The following PLXDC1 variants were observed in gnomAD, a reference collection of about 807,000 sequenced individuals.
PLXDC1 encodes plexin domain-containing protein 1.
A neutral mutation model predicts 61.3 loss-of-function variants in PLXDC1; 39 were observed. That is an observed-to-expected ratio of 0.64 (90% CI 0.49 to 0.83). The LOEUF is 0.83. PLXDC1 is among the 40% of genes least tolerant of loss of function. PLXDC1 has a pLI of 0.00. For synonymous variants in PLXDC1, 212 were observed against 254.5 expected (o/e 0.83, Z 1.59); for missense variants, 596 against 666.5 (o/e 0.89, Z 1.17).
chr17:39,106,612 C>CTCA (rs1312909413), intron 6 of PLXDC1, among the ~76,000 whole-genome samples: 1 of 151,652 alleles, frequency 6.6e-6, no homozygotes, highest in Non-Finnish European at 1.5e-5. Context: ...ACCACCCTGG[C>CTCA]TCATCATGCT....
chr17:39,120,065 TATG>T (rs1309248737), intron 2 of PLXDC1, among the ~76,000 whole-genome samples: 2 of 152,114 alleles, frequency 1.3e-5, no homozygotes, highest in African/African-American at 2.4e-5. Context: ...TCTGTGGCAA[TATG>T]ATATCAAATT....
chr17:39,128,187 G>GTATATGTATATA (rs1567769694), intron 2 of PLXDC1, among the ~76,000 whole-genome samples: 1 of 113,786 alleles, frequency 8.8e-6, no homozygotes, highest in African/African-American at 3.4e-5. Context: ...ATATATATGT[G>GTATATGTATATA]TGTATATATA....
At chr17:39,106,251 G>A (rs564099312) in intron 6 of PLXDC1, among the ~76,000 whole-genome samples, 2 of 151,750 alleles carry the variant, frequency 1.3e-5, no homozygotes, top group South Asian at 2.1e-4. Flanking sequence ...ATGCATCTCC[G>A]AATTCTGTTG....
chr17:39,095,353 A>T (rs766741082), intron 7 of PLXDC1, among the ~76,000 whole-genome samples: 1 of 135,250 alleles, frequency 7.4e-6, no homozygotes, highest in Admixed American at 7.6e-5. Context: ...TTAATAAAAG[A>T]ATCCTTACGC....
intron 2 of PLXDC1, among the ~76,000 whole-genome samples, chr17:39,130,587 GAC>G (rs1911527022): frequency 6.6e-6 from 1 of 151,922 alleles, no homozygotes; most frequent in African/African-American, 2.4e-5. Flanking sequence ...TTATTTTTGA[GAC>G]AGTCTTGCTC....
chr17:39,125,326 A>G (rs1330077901), intron 2 of PLXDC1, among the ~76,000 whole-genome samples: 1 of 152,224 alleles, frequency 6.6e-6, no homozygotes, highest in Non-Finnish European at 1.5e-5. Context: ...TCTGGGGTAG[A>G]GAGATGTCAG....
At chr17:39,128,200 T>TAC (rs1273639335) in intron 2 of PLXDC1, among the ~76,000 whole-genome samples, 12 of 144,764 alleles carry the variant, frequency 8.3e-5, no homozygotes, top group African/African-American at 1.5e-4. Flanking sequence ...TATATATATG[T>TAC]ATATATATGT....
At chr17:39,078,869 T>C (rs1458947840) in intron 10 of PLXDC1, among the ~76,000 whole-genome samples, 1 of 152,168 alleles carries the variant, frequency 6.6e-6, no homozygotes, top group African/African-American at 2.4e-5. Flanking sequence ...AGCTGCCCAC[T>C]TAAGGTCAAG....
chr17:39,077,276 G>C (rs181366068), intron 11 of PLXDC1, among the ~76,000 whole-genome samples: 9 of 152,294 alleles, frequency 5.9e-5, no homozygotes, highest in Admixed American at 2.6e-4. Context: ...CCTAGGACCG[G>C]AGGAGCCTGC....
chr17:39,135,428 G>C (rs1400660037), intron 2 of PLXDC1, among the ~76,000 whole-genome samples: 1 of 152,316 alleles, frequency 6.6e-6, no homozygotes, highest in East Asian at 1.9e-4. Context: ...TGTAATCCCA[G>C]CACTTTGGGA....
chr17:39,148,368 T>C (rs2143998268), intron 1 of PLXDC1, among the ~76,000 whole-genome samples: 1 of 152,100 alleles, frequency 6.6e-6, no homozygotes, highest in South Asian at 2.1e-4. Context: ...CATGCCCAGC[T>C]AATTTTTTAT....
intron 1 of PLXDC1, among the ~76,000 whole-genome samples, chr17:39,148,727 G>A (rs1196606804): frequency 2.0e-5 from 3 of 152,008 alleles, no homozygotes; most frequent in African/African-American, 7.2e-5. Flanking sequence ...GAGCCACCCT[G>A]CCTGGCCTAA....
intron 2 of PLXDC1, among the ~76,000 whole-genome samples, chr17:39,112,665 CCCT>C: frequency 6.6e-6 from 1 of 152,116 alleles, no homozygotes; most frequent in Non-Finnish European, 1.5e-5. Flanking sequence ...AACTACGAGC[CCCT>C]GACACGCAGG....
chr17:39,063,377 G>C lies in PLXDC1; in HGVS notation c.*4463C>G. ...AAAAATGCATGGGGTTTACTTCCAG[G>C]GATTTACAGACCAATATAAGTAAAC... On this transcript the variant is annotated 3_prime_UTR_variant, in exon 14 of 14. Transcript: ENST00000315392. The C allele has an allele frequency of 1.5e-6, 1 of 678,632 alleles. No homozygotes were observed. 42.0% of individuals were successfully genotyped at this position (678,632 alleles called of 1,614,324 possible).
Position 39,109,388 on chromosome 17 carries a change from C to T in PLXDC1, c.259G>A (p.Asp87Asn). ...CGGGACACATAATAGCTGTGGTTGT[C>T]CTCCTGCCGGCACCCAAGATAAAGC... ...LPDNRTRVVE[D>N]NHSYYVSRLY... The change falls in exon 3 of 14, where the codon GAC becomes AAC. Residue 87 changes from aspartate to asparagine, a missense_variant. Asp to Asn is a conservative substitution (Grantham distance 23). Coordinates refer to ENST00000315392, the MANE Select transcript of PLXDC1 (RefSeq NM_020405.5). 1 of 1,586,588 alleles carries T rather than the reference C, an allele frequency of 6.3e-7. No homozygotes were observed. The highest frequency in any genetic ancestry group is 1.1e-5 in the South Asian group (1 of 87,072).
chr17:39,125,547 G>A (rs560608530), intron 2 of PLXDC1, among the ~76,000 whole-genome samples: 2 of 152,306 alleles, frequency 1.3e-5, no homozygotes, highest in African/African-American at 4.8e-5. Context: ...TAGCCACAGA[G>A]AATTAGGACA....
intron 2 of PLXDC1, among the ~76,000 whole-genome samples, chr17:39,132,195 T>C (rs76308979): frequency 0.012 from 1,761 of 152,160 alleles, 36 homozygotes; most frequent in African/African-American, 0.039. Flanking sequence ...CAAGTAAACA[T>C]TGGAGTAGAA....
intron 2 of PLXDC1, among the ~76,000 whole-genome samples, chr17:39,138,679 G>A (rs1029847367): frequency 6.6e-6 from 1 of 151,960 alleles, no homozygotes; most frequent in African/African-American, 2.4e-5. Context: ...GGAGAGGAGG[G>A]GCAGGACTGC....
intron 9 of PLXDC1, 90 bp downstream of exon 9, chr17:39,083,369 T>G: frequency 1.1e-6 from 1 of 920,406 alleles, no homozygotes; most frequent in African/African-American, 1.6e-5. Context: ...GTTGGCTGAC[T>G]GTGGGCAGTG....
Sources: gnomAD v4.1 joint callset for allele counts (sites outside exome capture counted in the v4.1 genomes callset) on GRCh38, gnomAD v4.1.1 for gene constraint, MANE v1.5 for transcripts, NCBI Gene and HGNC (gene_info 2026-07-23, HGNC 2026-07-21) for gene names.